CCSER1: variants seen among roughly 807,000 people sequenced by gnomAD.
The protein encoded by CCSER1 is serine-rich coiled-coil domain-containing protein 1.
In CCSER1, 41 loss-of-function variants were observed where a neutral mutation model predicts 82.0. The observed-to-expected ratio is 0.50, with a 90% CI of 0.39 to 0.65. CCSER1 has a LOEUF of 0.65. Ranked by LOEUF, CCSER1 falls within the 30% of genes least tolerant of loss-of-function variation. The pLI is 0.00. For synonymous variants in CCSER1, 414 were observed against 383.9 expected (o/e 1.08, Z -0.92); for missense variants, 1,119 against 1,064.2 (o/e 1.05, Z -0.72).
intron 6 of CCSER1, among the ~76,000 whole-genome samples, chr4:90,654,148 T>C (rs1333551019): frequency 1.3e-5 from 2 of 152,136 alleles, no homozygotes; most frequent in African/African-American, 4.8e-5. Flanking sequence ...GGTGGGGACA[T>C]AAATCCAGAC....
At chr4:90,914,831 A>T (rs1435137690) in intron 8 of CCSER1, among the ~76,000 whole-genome samples, 1 of 152,142 alleles carries the variant, frequency 6.6e-6, no homozygotes, top group African/African-American at 2.4e-5. Flanking sequence ...GACAAAGGGG[A>T]TATCACCCCC....
chr4:91,594,360 TA>T (rs1334425104), intron 10 of CCSER1, among the ~76,000 whole-genome samples: 1 of 146,254 alleles, frequency 6.8e-6, no homozygotes, highest in Non-Finnish European at 1.5e-5. Context: ...TATATACACA[TA>T]TATATACACA....
At chr4:90,616,683 TCACACACACACACACACACA>T (rs56988615) in intron 5 of CCSER1, among the ~76,000 whole-genome samples, 1,649 of 120,366 alleles carry the variant, frequency 0.014, 44 homozygotes, top group African/African-American at 0.049. Flanking sequence ...TGGCTCTGTC[TCACACACACACACACACACA>T]CACACACACA....
In CCSER1 at chr4:90,137,404, C is replaced by T. The variant is rs1024719682; in HGVS notation, c.-42+9573C>T. Among the ~76,000 whole-genome samples the T allele has an allele frequency of 8.5e-5, 13 of 152,180 alleles. No individual in the cohort carries two copies. In the South Asian group the frequency reaches 2.7e-3, roughly 32 times the overall value. ...AAGGGACCTGAAATGGGAAGTTTTACGTTGATTATCGGGACAATATAGTAT... is the reference window on the plus strand; with the variant it reads ...AAGGGACCTGAAATGGGAAGTTTTATGTTGATTATCGGGACAATATAGTAT... On this transcript the variant is annotated intron_variant, in intron 1 of 10. Coordinates refer to ENST00000509176, the MANE Select transcript of CCSER1 (RefSeq NM_001145065.2).
chr4:90,896,427 T>C (rs1277977944), intron 8 of CCSER1, among the ~76,000 whole-genome samples: 1 of 151,974 alleles, frequency 6.6e-6, no homozygotes, highest in African/African-American at 2.4e-5. Flanking sequence ...TATTCATAGT[T>C]CTAATTCAAG....
Position 90,628,033 on chromosome 4 carries a change from C to T in CCSER1, c.1733C>T (p.Ser578Phe), listed in dbSNP as rs1723648511. Residue 578 changes from serine to phenylalanine, a missense_variant, in exon 6 of 11, where the codon TCC (serine) becomes TTC (phenylalanine). Ser to Phe is a radical substitution (Grantham distance 155). Transcript: ENST00000509176. ...EFPEPSKQNL[S>F]LKLTKDVDQE... is the part of the protein sequence containing the mutation. ...TTTTTTTTTCTTGTTAGGAATCTTTCCCTGAAATTAACAAAGGACGTTGAT... is the reference window on the plus strand; with the variant it reads ...TTTTTTTTTCTTGTTAGGAATCTTTTCCTGAAATTAACAAAGGACGTTGAT... 2 of 1,612,388 alleles carry T rather than the reference C, an allele frequency of 1.2e-6. No homozygotes were observed. Among genetic ancestry groups the T allele is most frequent in the East Asian group, 2.2e-5 (1 of 44,874 alleles).
At chr4:90,852,632 C>CT (rs1270329496) in intron 8 of CCSER1, among the ~76,000 whole-genome samples, 1 of 152,166 alleles carries the variant, frequency 6.6e-6, no homozygotes, top group African/African-American at 2.4e-5. Flanking sequence ...ACTGACAAAG[C>CT]TTAACATCAT....
intron 5 of CCSER1, among the ~76,000 whole-genome samples, chr4:90,503,402 G>T (rs2153612918): frequency 6.6e-6 from 1 of 152,230 alleles, no homozygotes; most frequent in Middle Eastern, 3.4e-3. Flanking sequence ...AATTTAGAAA[G>T]ATTATTATTT....
chr4:90,312,826 T>C, intron 2 of CCSER1, 37 bp from the exon 3 acceptor site: 2 of 1,423,782 alleles, frequency 1.4e-6, no homozygotes, highest in South Asian at 2.6e-5. Context: ...TACATTTAAA[T>C]ATTTACCTTC....
chr4:90,907,280 C>T (rs1366488763), intron 8 of CCSER1, among the ~76,000 whole-genome samples: 2 of 152,058 alleles, frequency 1.3e-5, no homozygotes, highest in Non-Finnish European at 2.9e-5. Flanking sequence ...AGATGTAGAG[C>T]AGAAATTCCC....
chr4:90,193,969 A>G (rs1736134582), intron 1 of CCSER1, among the ~76,000 whole-genome samples: 1 of 152,046 alleles, frequency 6.6e-6, no homozygotes, highest in South Asian at 2.1e-4. Context: ...TATCAATTGT[A>G]GATTTAGTAA....
intron 3 of CCSER1, among the ~76,000 whole-genome samples, chr4:90,380,368 A>T (rs1216002313): frequency 6.6e-6 from 1 of 152,188 alleles, no homozygotes; most frequent in East Asian, 1.9e-4. Context: ...AAATCCTAAA[A>T]AGTAATATTT....
intron 5 of CCSER1, among the ~76,000 whole-genome samples, chr4:90,544,464 A>G (rs994290997): frequency 2.6e-5 from 4 of 152,122 alleles, no homozygotes; most frequent in South Asian, 2.1e-4. Context: ...CTCCTCTCCC[A>G]GTGGAGTTAC....
chr4:91,020,123 T>A (rs1561476270), intron 9 of CCSER1, among the ~76,000 whole-genome samples: 2 of 152,032 alleles, frequency 1.3e-5, no homozygotes, highest in Non-Finnish European at 2.9e-5. Flanking sequence ...GACAAAAAAT[T>A]AATAGAAAAG....
intron 7 of CCSER1, among the ~76,000 whole-genome samples, chr4:90,783,665 C>A (rs2870264): frequency 0.59 from 89,046 of 151,492 alleles, 26,458 homozygotes; most frequent in African/African-American, 0.68. Flanking sequence ...AAGGAGAAAA[C>A]ACTTTACCAG....
chr4:90,877,187 A>G (rs1705680108), intron 8 of CCSER1, among the ~76,000 whole-genome samples: 1 of 152,126 alleles, frequency 6.6e-6, no homozygotes, highest in Non-Finnish European at 1.5e-5. Flanking sequence ...TGATCTGCTT[A>G]AAGTTACTGA....
intron 10 of CCSER1, among the ~76,000 whole-genome samples, chr4:91,128,616 A>G (rs1183059231): frequency 2.0e-5 from 3 of 152,126 alleles, no homozygotes; most frequent in Non-Finnish European, 4.4e-5. Context: ...CGGCAAAATC[A>G]GAGAATATGG....
intron 10 of CCSER1, among the ~76,000 whole-genome samples, chr4:91,203,734 C>T (rs2149072105): frequency 6.6e-6 from 1 of 151,688 alleles, no homozygotes; most frequent in Non-Finnish European, 1.5e-5. Flanking sequence ...GAGAAGAAAC[C>T]TGATGAAAAT....
intron 6 of CCSER1, among the ~76,000 whole-genome samples, chr4:90,693,040 G>T (rs1560955697): frequency 6.6e-6 from 1 of 151,868 alleles, no homozygotes; most frequent in South Asian, 2.1e-4. Context: ...CAGAGTCAGG[G>T]TTAAAACTCA....
Sources: gnomAD v4.1 joint callset for allele counts (sites outside exome capture counted in the v4.1 genomes callset) on GRCh38, gnomAD v4.1.1 for gene constraint, MANE v1.5 for transcripts, NCBI Gene and HGNC (gene_info 2026-07-23, HGNC 2026-07-21) for gene names.